The following SHC3 variants were observed in gnomAD, a reference collection of about 807,000 sequenced individuals.
SHC3 encodes the protein SHC adaptor protein 3, also known as SHC-transforming protein 3.
In SHC3, 15 loss-of-function variants were observed where a neutral mutation model predicts 60.4. The observed-to-expected ratio is 0.25, with a 90% CI of 0.17 to 0.38. SHC3 has a LOEUF of 0.38. Among genes scored for constraint, SHC3 ranks in the 10% least tolerant of loss-of-function variants. The pLI is 1.00. For missense variants in SHC3, 677 were observed against 786.1 expected (o/e 0.86, Z 1.66); for synonymous variants, 294 against 325.9 (o/e 0.90, Z 1.05).
intron 6 of SHC3, among the ~76,000 whole-genome samples, chr9:89,053,128 C>T (rs1223952258): frequency 6.6e-6 from 1 of 152,206 alleles, no homozygotes; most frequent in African/African-American, 2.4e-5. Flanking sequence ...ACAGGGCTGT[C>T]GCCATGAGGA....
intron 3 of SHC3, among the ~76,000 whole-genome samples, chr9:89,076,547 A>G (rs1167343206): frequency 6.6e-6 from 1 of 151,756 alleles, no homozygotes; most frequent in African/African-American, 2.4e-5. Flanking sequence ...AGAGGTTTTC[A>G]TGGTTTCTCC....
At chr9:89,133,616 A>G (rs894297718) in intron 1 of SHC3, among the ~76,000 whole-genome samples, 4 of 152,178 alleles carry the variant, frequency 2.6e-5, no homozygotes, top group Non-Finnish European at 5.9e-5. Context: ...TTGTAGGGAC[A>G]TGGATGAAGC....
At chr9:89,038,334 G>T (rs761135755) in intron 10 of SHC3, 46 bp from the exon 11 acceptor site, 5 of 1,249,338 alleles carry the variant, frequency 4.0e-6, no homozygotes, top group Non-Finnish European at 5.2e-6. Flanking sequence ...CCCAAGAAGA[G>T]CAAATGATAA....
intron 1 of SHC3, among the ~76,000 whole-genome samples, chr9:89,156,335 C>T (rs140918944): frequency 2.0e-5 from 3 of 152,236 alleles, no homozygotes; most frequent in African/African-American, 4.8e-5. Context: ...AACCTTCGGA[C>T]GATTACAGTC....
At chr9:89,046,217 A>G (rs1319019969) in intron 8 of SHC3, among the ~76,000 whole-genome samples, 1 of 152,084 alleles carries the variant, frequency 6.6e-6, no homozygotes, top group Non-Finnish European at 1.5e-5. Flanking sequence ...ACACTTGGTC[A>G]AGTCCACTCT....
At chr9:89,040,160 C>A (rs1371051710) in intron 10 of SHC3, among the ~76,000 whole-genome samples, 2 of 150,074 alleles carry the variant, frequency 1.3e-5, no homozygotes, top group Non-Finnish European at 3.0e-5. Flanking sequence ...CCATCATCAT[C>A]ACCATCATCA....
chr9:89,177,586 G>C (rs1053269476), intron 1 of SHC3, among the ~76,000 whole-genome samples: 1 of 152,206 alleles, frequency 6.6e-6, no homozygotes, highest in African/African-American at 2.4e-5. Context: ...GCCACTCCGT[G>C]CATCTCTCCT....
At chr9:89,027,324 C>T (rs371408698) in intron 11 of SHC3, among the ~76,000 whole-genome samples, 2 of 92,202 alleles carry the variant, frequency 2.2e-5, no homozygotes, top group African/African-American at 5.7e-5. Flanking sequence ...GGGTGAAATT[C>T]TGATTTTTTT....
At chr9:89,026,183 G>A (rs982772570) in intron 11 of SHC3, among the ~76,000 whole-genome samples, 1 of 150,432 alleles carries the variant, frequency 6.6e-6, no homozygotes, top group Non-Finnish European at 1.5e-5. Flanking sequence ...GAACCCAGGA[G>A]GTGGAGGTTG....
intron 6 of SHC3, among the ~76,000 whole-genome samples, chr9:89,060,986 A>G (rs912377871): frequency 1.3e-5 from 2 of 152,140 alleles, no homozygotes; most frequent in Non-Finnish European, 2.9e-5. Flanking sequence ...TATGTTTGAG[A>G]GGCCTGTGAG....
Position 89,145,176 on chromosome 9 carries a change from C to T in SHC3, c.475-32550G>A, listed in dbSNP as rs1013544496. Among the ~76,000 whole-genome samples, 4 of 152,120 alleles carry T rather than the reference C, an allele frequency of 2.6e-5. No homozygotes were observed. The East Asian group carries it at 7.7e-4, about 29-fold the overall frequency. The stretch of plus-strand genomic sequence containing the variant: ...AAGAAGTGGCATGTTGGTGGACCAA[C>T]TATATTAAGGCATCCCTGAAAAAGG... On this transcript the variant is annotated intron_variant, in intron 1 of 11. Transcript: ENST00000375835.
At chr9:89,129,877 G>A (rs1200600927) in intron 1 of SHC3, among the ~76,000 whole-genome samples, 9 of 151,994 alleles carry the variant, frequency 5.9e-5, no homozygotes, top group South Asian at 4.2e-4. Flanking sequence ...AGCTAACATC[G>A]TAGTGACAGG....
chr9:89,022,635 C>T (rs908562550), intron 11 of SHC3, among the ~76,000 whole-genome samples: 2 of 152,148 alleles, frequency 1.3e-5, no homozygotes, highest in Non-Finnish European at 2.9e-5. Flanking sequence ...TGAGATGTGA[C>T]TTATGAACAA....
chr9:89,175,506 T>G (rs1826929892), intron 1 of SHC3, among the ~76,000 whole-genome samples: 1 of 152,246 alleles, frequency 6.6e-6, no homozygotes, highest in Admixed American at 6.5e-5. Context: ...GTTCTCAGAT[T>G]AAGTTGAAAT....
chr9:89,085,489 G>A (rs1199103679), intron 2 of SHC3, among the ~76,000 whole-genome samples: 1 of 152,208 alleles, frequency 6.6e-6, no homozygotes, highest in Non-Finnish European at 1.5e-5. Context: ...GTGCCAATAA[G>A]AGCTTCCCAA....
chr9:89,073,527 G>A (rs1189740765), intron 4 of SHC3, among the ~76,000 whole-genome samples: 1 of 152,144 alleles, frequency 6.6e-6, no homozygotes, highest in East Asian at 1.9e-4. Flanking sequence ...GGAAGGGAGA[G>A]TCAGAACCCT....
intron 5 of SHC3, among the ~76,000 whole-genome samples, chr9:89,070,097 A>C (rs1158695252): frequency 1.3e-5 from 2 of 152,224 alleles, no homozygotes; most frequent in East Asian, 3.8e-4. Context: ...GCAAAATAGC[A>C]ATAATAACAA....
intron 6 of SHC3, among the ~76,000 whole-genome samples, chr9:89,052,969 A>G (rs770943495): frequency 6.6e-6 from 1 of 152,186 alleles, no homozygotes; most frequent in South Asian, 2.1e-4. Flanking sequence ...AGGATTATCT[A>G]TGTGAAACCT....
intron 7 of SHC3, among the ~76,000 whole-genome samples, chr9:89,049,607 C>T (rs1012923966): frequency 2.0e-5 from 3 of 152,178 alleles, no homozygotes; most frequent in African/African-American, 7.2e-5. Context: ...TAAGTGTTAA[C>T]CTTTTGATCT....
Sources: allele counts gnomAD v4.1 joint callset (sites outside exome capture counted in the v4.1 genomes callset), GRCh38; gene constraint gnomAD v4.1.1; transcripts MANE v1.5; gene names NCBI Gene and HGNC (gene_info 2026-07-23, HGNC 2026-07-21).